Variants in TECTA observed in about 807,000 individuals in gnomAD.
TECTA encodes tectorin alpha, also known as alpha-tectorin.
TECTA carries 128 observed loss-of-function variants against 216.8 expected under a neutral mutation model. The ratio of observed to expected loss-of-function variants is 0.59; its 90% CI spans 0.51 to 0.68. The LOEUF (loss-of-function observed/expected upper bound fraction) is 0.68, where lower values mean the gene tolerates loss of function less well. Ranked by LOEUF, TECTA falls within the 30% of genes least tolerant of loss-of-function variation. The pLI is 0.00. For missense variants in TECTA, 2,551 were observed against 2,786.2 expected, an observed-to-expected ratio of 0.92 and a Z score of 1.90; for synonymous variants, 1,089 against 1,117.1, an observed-to-expected ratio of 0.97 and a Z score of 0.50.
chr11:121,187,733 G>T, intron 20 of TECTA, 99 bp from the exon 21 acceptor site: 1 of 1,360,752 alleles, frequency 7.3e-7, no homozygotes, highest in Non-Finnish European at 1.0e-6. Context: ...GCCATTTATG[G>T]TGGTTTTATG....
Position 121,190,985 on chromosome 11 carries a change from G to C in TECTA, c.*179G>C, listed in dbSNP as rs1591475133. ...AGCGACCATCCAAGCTCCTCTTTCAGAGTATGAAACGGGGCTTCTACAAGC... is the reference window on the plus strand; with the variant it reads ...AGCGACCATCCAAGCTCCTCTTTCACAGTATGAAACGGGGCTTCTACAAGC... On this transcript the variant is annotated 3_prime_UTR_variant, in exon 24 of 24. Coordinates refer to ENST00000392793, the MANE Select transcript of TECTA (RefSeq NM_005422.4). 1 of 569,166 alleles carries C rather than the reference G, an allele frequency of 1.8e-6. No individual in the cohort carries two copies. The highest frequency in any genetic ancestry group is 1.9e-5 in the African/African-American group (1 of 53,212). 35.3% of individuals were successfully genotyped at this position (569,166 alleles called of 1,614,324 possible).
chr11:121,137,630 T>C lies in TECTA; in HGVS notation c.3151T>C (p.Phe1051Leu). Residue 1051 changes from phenylalanine to leucine, a missense_variant, in exon 11 of 24, where the codon TTC (phenylalanine) becomes CTC (leucine). Phe to Leu is a conservative substitution (Grantham distance 22, BLOSUM62 0). Transcript: ENST00000392793. ...EGHQLATNET[F>L]WVDLDCQIFC... Reference sequence around the variant, plus strand: ...GCACCAACTTGCCACCAATGAGACCTTCTGGGTGGACCTGGACTGCCAGAT... The same window carrying C: ...GCACCAACTTGCCACCAATGAGACCCTCTGGGTGGACCTGGACTGCCAGAT... The C allele has an allele frequency of 6.2e-7, 1 of 1,613,978 alleles. No individual in the cohort carries two copies. Among genetic ancestry groups the C allele is most frequent in the Non-Finnish European group, 8.5e-7 (1 of 1,179,996 alleles).
At chr11:121,121,792 TA>T (rs1444097444) in intron 7 of TECTA, among the ~76,000 whole-genome samples, 1 of 152,072 alleles carries the variant, frequency 6.6e-6, no homozygotes, top group Non-Finnish European at 1.5e-5. Flanking sequence ...AGCAGGAGCT[TA>T]AGTAAGAGCA....
chr11:121,145,884 G>A lies in TECTA; in HGVS notation c.3873G>A (p.Val1291=), dbSNP rs774478406. 20 of 1,614,128 alleles carry A rather than the reference G, an allele frequency of 1.2e-5. No homozygotes were observed. Among genetic ancestry groups the A allele is most frequent in the Admixed American group, 1.7e-5 (1 of 60,006 alleles). ...ACCGCTGTCCGTCCTGTGCCAAGGT[G>A]GAAGGTTTCTCCAAAGTGCAGCAGC... ...CGDRCPSCAK[V]EGFSKVQQLC... Residue 1291 remains valine (V), a synonymous_variant, in exon 12 of 24, where the codon GTG becomes GTA. Coordinates refer to ENST00000392793, the MANE Select transcript of TECTA (RefSeq NM_005422.4).
In TECTA at chr11:121,165,325, C is replaced by A. The variant is rs375353872; in HGVS notation, c.5325C>A (p.Cys1775Ter). The A allele has an allele frequency of 5.0e-6, 8 of 1,608,568 alleles. No individual in the cohort carries two copies. Among genetic ancestry groups the A allele is most frequent in the Non-Finnish European group, 6.8e-6 (8 of 1,177,652 alleles). ...GGGCGGACTGTCCCAACCGAACTTG[C>A]GAGCTGGGCAATGGCAGGGAGCTGT... ...CVGADCPNRT[C>*]ELGNGRELCG... is the part of the protein sequence containing the mutation. Residue 1775 changes from cysteine to a stop codon, truncating the protein, a stop_gained, in exon 17 of 24, where the codon TGC becomes TGA. Transcript: ENST00000392793. LOFTEE classifies it high-confidence loss of function.
At chr11:121,188,991 C>T in intron 21 of TECTA, 89 bp from the exon 22 acceptor site, 2 of 1,340,168 alleles carry the variant, frequency 1.5e-6, no homozygotes, top group Non-Finnish European at 2.1e-6. Context: ...GAGGCCAGAG[C>T]CACTGCCTCT....
intron 11 of TECTA, among the ~76,000 whole-genome samples, chr11:121,143,200 G>T (rs588917): frequency 0.47 from 72,050 of 152,062 alleles, 20,401 homozygotes; most frequent in African/African-American, 0.8. Context: ...ATGTGTGTAT[G>T]GGATACAAGG....
intron 20 of TECTA, among the ~76,000 whole-genome samples, chr11:121,183,263 C>T (rs548489036): frequency 2.0e-5 from 3 of 152,080 alleles, no homozygotes; most frequent in Non-Finnish European, 2.9e-5. Flanking sequence ...TATAGTCTGA[C>T]GGGGGCTGGG....
chr11:121,157,164 G>A (rs1946949826), intron 13 of TECTA, among the ~76,000 whole-genome samples: 1 of 152,192 alleles, frequency 6.6e-6, no homozygotes, highest in African/African-American at 2.4e-5. Context: ...AGCAGAGTCT[G>A]TACTTGTTAG....
intron 21 of TECTA, among the ~76,000 whole-genome samples, chr11:121,188,562 A>G (rs1947310586): frequency 6.6e-6 from 1 of 152,190 alleles, no homozygotes; most frequent in African/African-American, 2.4e-5. Context: ...GGGGTGAGGG[A>G]TGAGGTAGCA....
chr11:121,118,843 T>C, intron 7 of TECTA, 125 bp downstream of exon 7: 1 of 1,266,012 alleles, frequency 7.9e-7, no homozygotes, highest in Non-Finnish European at 1.1e-6. Context: ...GATGCACAGC[T>C]CTCCCCGCCT....
intron 11 of TECTA, among the ~76,000 whole-genome samples, chr11:121,142,278 G>A (rs1434746079): frequency 5.3e-5 from 8 of 152,038 alleles, no homozygotes; most frequent in Non-Finnish European, 7.4e-5. Flanking sequence ...CGTCTTCTGC[G>A]ACTTCCTCCT....
chr11:121,133,907 A>T (rs906970331), intron 10 of TECTA, among the ~76,000 whole-genome samples: 3 of 152,142 alleles, frequency 2.0e-5, no homozygotes, highest in African/African-American at 7.2e-5. Flanking sequence ...GTGTGCAAAT[A>T]TCCTGTCTGT....
intron 10 of TECTA, among the ~76,000 whole-genome samples, chr11:121,133,668 T>C (rs971103158): frequency 2.6e-5 from 4 of 152,220 alleles, no homozygotes; most frequent in Admixed American, 2.0e-4. Context: ...TGATGTTCCA[T>C]CCTGAGGATC....
chr11:121,139,263 G>A (rs560294112), intron 11 of TECTA, among the ~76,000 whole-genome samples: 11 of 152,184 alleles, frequency 7.2e-5, no homozygotes, highest in East Asian at 3.9e-4. Context: ...TGTATTTTTC[G>A]TGATCTTCAT....
At position 121,129,998 on chromosome 11, in the gene TECTA, T is replaced by G. The variant is rs1365198120; in HGVS notation, c.2728T>G (p.Ser910Ala). The change falls in exon 10 of 24, where the codon TCC (serine) becomes GCC (alanine). Residue 910 changes from serine (S) to alanine (A), a missense_variant. Ser to Ala is a moderately conservative substitution (Grantham distance 99, BLOSUM62 1). Coordinates refer to ENST00000392793, the MANE Select transcript of TECTA (RefSeq NM_005422.4). ...SELLKFYRSRSRCGIINDPSN... is the reference protein window; with the variant it reads ...SELLKFYRSRARCGIINDPSN... ...GCTGCTCAAGTTTTATCGAAGCCGCTCCAGGTGCGGCATCATCAACGACCC... is the reference window on the plus strand; with the variant it reads ...GCTGCTCAAGTTTTATCGAAGCCGCGCCAGGTGCGGCATCATCAACGACCC... 6.2e-7 allele frequency: 1 copy of G among 1,606,822 alleles called. No individual in the cohort carries two copies. The highest frequency in any genetic ancestry group is 1.3e-5 in the African/African-American group (1 of 74,686).
intron 6 of TECTA, among the ~76,000 whole-genome samples, chr11:121,118,077 T>C (rs1474930703): frequency 6.6e-6 from 1 of 152,180 alleles, no homozygotes; most frequent in Non-Finnish European, 1.5e-5. Flanking sequence ...TCAGACAGAC[T>C]CCTCTCGGAA....
At chr11:121,137,261 C>T (rs2135095370) in intron 10 of TECTA, among the ~76,000 whole-genome samples, 160 bp from the exon 11 acceptor site, 1 of 152,318 alleles carries the variant, frequency 6.6e-6, no homozygotes, top group Non-Finnish European at 1.5e-5. Flanking sequence ...CGTGCACACA[C>T]ACATGCATGC....
intron 2 of TECTA, among the ~76,000 whole-genome samples, chr11:121,103,518 T>C (rs1358650881): frequency 1.3e-5 from 2 of 151,924 alleles, no homozygotes; most frequent in African/African-American, 4.8e-5. Context: ...CCCACGGGAA[T>C]GAAAGAGGGC....
Sources: gnomAD v4.1 joint callset for allele counts (sites outside exome capture counted in the v4.1 genomes callset) on GRCh38, gnomAD v4.1.1 for gene constraint, MANE v1.5 for transcripts, NCBI Gene and HGNC (gene_info 2026-07-23, HGNC 2026-07-21) for gene names.